CPNE8: variants seen among roughly 807,000 people sequenced by gnomAD.
CPNE8 encodes copine 8, also known as copine-8.
In CPNE8, 45 loss-of-function variants were observed where a neutral mutation model predicts 81.5. The observed-to-expected ratio is 0.55, with a 90% CI of 0.44 to 0.71. The LOEUF is 0.71. CPNE8 is among the 30% of genes least tolerant of loss of function. The pLI is 0.00. For synonymous variants in CPNE8, 252 were observed against 226.3 expected (o/e 1.11, Z -1.02); for missense variants, 594 against 672.1 (o/e 0.88, Z 1.28).
In CPNE8 at chr12:38,876,564, C is replaced by T. The variant is rs1592150589; in HGVS notation, c.99-2053G>A. 2.0e-5 allele frequency among the ~76,000 whole-genome samples: 3 copies of T among 152,194 alleles called. No homozygotes were observed. In the South Asian group the frequency reaches 6.2e-4, roughly 32 times the overall value. On this transcript the variant is annotated intron_variant, in intron 1 of 19. Transcript: ENST00000331366. ...TTACTTGTCACATTGTTTCACTCAGCCATTGTGATCCATAACACATAATGG... is the reference window on the plus strand; with the variant it reads ...TTACTTGTCACATTGTTTCACTCAGTCATTGTGATCCATAACACATAATGG...
intron 19 of CPNE8, among the ~76,000 whole-genome samples, chr12:38,666,370 A>G (rs2136639632): frequency 6.6e-6 from 1 of 152,300 alleles, no homozygotes; most frequent in South Asian, 2.1e-4. Context: ...AAGTTGTTTA[A>G]CTTTTGATCT....
intron 11 of CPNE8, among the ~76,000 whole-genome samples, chr12:38,728,437 A>G (rs1940754655): frequency 6.6e-6 from 1 of 152,216 alleles, no homozygotes; most frequent in Non-Finnish European, 1.5e-5. Context: ...GTAAAGTACA[A>G]CTGAAATGAA....
At chr12:38,898,272 T>C (rs1944414871) in intron 1 of CPNE8, among the ~76,000 whole-genome samples, 1 of 151,964 alleles carries the variant, frequency 6.6e-6, no homozygotes, top group Admixed American at 6.6e-5. Context: ...CAGACCAAAA[T>C]ACTGGTGGAA....
chr12:38,719,822 A>G (rs1401919850), intron 13 of CPNE8, among the ~76,000 whole-genome samples: 1 of 152,194 alleles, frequency 6.6e-6, no homozygotes, highest in Non-Finnish European at 1.5e-5. Flanking sequence ...GACATTACAT[A>G]CATTTATAAT....
At chr12:38,879,570 T>TA (rs760945378) in intron 1 of CPNE8, among the ~76,000 whole-genome samples, 3 of 152,102 alleles carry the variant, frequency 2.0e-5, no homozygotes, top group Non-Finnish European at 2.9e-5. Context: ...GTATTTAAAG[T>TA]AAAAAGTGAC....
intron 10 of CPNE8, among the ~76,000 whole-genome samples, chr12:38,737,222 T>TA (rs372286708): frequency 0.013 from 1,969 of 150,942 alleles, 30 homozygotes; most frequent in South Asian, 0.042. Flanking sequence ...AGACTGAAGT[T>TA]AAAAAAAAAT....
chr12:38,688,949 C>G (rs983049100), intron 15 of CPNE8, among the ~76,000 whole-genome samples: 1 of 152,040 alleles, frequency 6.6e-6, no homozygotes, highest in African/African-American at 2.4e-5. Context: ...TCCCCCAAAA[C>G]TAGTGAAATA....
intron 19 of CPNE8, among the ~76,000 whole-genome samples, chr12:38,661,458 G>T (rs992820134): frequency 9.2e-5 from 14 of 152,036 alleles, no homozygotes; most frequent in Non-Finnish European, 1.6e-4. Context: ...GGGCCTGTTG[G>T]GGGTGGGGGA....
chr12:38,870,572 C>T (rs1030827851), intron 3 of CPNE8, among the ~76,000 whole-genome samples: 1 of 152,204 alleles, frequency 6.6e-6, no homozygotes, highest in African/African-American at 2.4e-5. Context: ...TGGTCTCCCT[C>T]ATAAGTGGGA....
At chr12:38,738,697 T>C (rs2136785913) in intron 10 of CPNE8, among the ~76,000 whole-genome samples, 1 of 152,304 alleles carries the variant, frequency 6.6e-6, no homozygotes, top group East Asian at 1.9e-4. Context: ...CACATTTTAA[T>C]ATTAACTTAA....
intron 8 of CPNE8, among the ~76,000 whole-genome samples, chr12:38,763,347 T>C (rs893551355): frequency 6.6e-6 from 1 of 152,084 alleles, no homozygotes; most frequent in African/African-American, 2.4e-5. Flanking sequence ...TGCATGACAA[T>C]GAGCAAAGAA....
At chr12:38,684,739 AT>A (rs963443164) in intron 16 of CPNE8, among the ~76,000 whole-genome samples, 1 of 152,024 alleles carries the variant, frequency 6.6e-6, no homozygotes, top group East Asian at 1.9e-4. Context: ...AAAATACATA[AT>A]TTTTTTCAAG....
intron 13 of CPNE8, among the ~76,000 whole-genome samples, chr12:38,710,031 A>T (rs1940211322): frequency 6.6e-6 from 1 of 152,022 alleles, no homozygotes; most frequent in African/African-American, 2.4e-5. Flanking sequence ...TTTATTCTTC[A>T]ACCTTACTGA....
chr12:38,768,711 C>A (rs1265606998), intron 7 of CPNE8, among the ~76,000 whole-genome samples: 2 of 150,740 alleles, frequency 1.3e-5, no homozygotes, highest in South Asian at 4.2e-4. Flanking sequence ...TTTTTTTTAG[C>A]AGAGACGGGG....
chr12:38,795,163 A>T (rs1337415936), intron 6 of CPNE8, among the ~76,000 whole-genome samples: 1 of 152,212 alleles, frequency 6.6e-6, no homozygotes, highest in African/African-American at 2.4e-5. Context: ...CTGAGCTGCT[A>T]CTAGCTTCCT....
chr12:38,681,383 CAT>C (rs10597996), intron 16 of CPNE8, among the ~76,000 whole-genome samples: 2,997 of 152,124 alleles, frequency 0.02, 97 homozygotes, highest in African/African-American at 0.067. Context: ...AAGATTTAAA[CAT>C]AGTATTTTAG....
chr12:38,904,461 T>G (rs1035409958), intron 1 of CPNE8, among the ~76,000 whole-genome samples: 3 of 117,918 alleles, frequency 2.5e-5, no homozygotes, highest in African/African-American at 3.3e-5. Context: ...TGAAAGTCAG[T>G]TTTTTTTTGT....
upstream of CPNE8, chr12:38,906,260 G>A (rs1385367186): frequency 5.1e-6 from 5 of 985,362 alleles, no homozygotes; most frequent in Non-Finnish European, 4.8e-6. Context: ...GGGGACGGTG[G>A]GGCATTGTGA....
At chr12:38,851,733 G>A (rs1007652722) in intron 3 of CPNE8, among the ~76,000 whole-genome samples, 1 of 152,122 alleles carries the variant, frequency 6.6e-6, no homozygotes, top group African/African-American at 2.4e-5. Flanking sequence ...ACATGCCCAT[G>A]TCATTCCACC....
Sources: gnomAD v4.1 joint callset for allele counts (sites outside exome capture counted in the v4.1 genomes callset) on GRCh38, gnomAD v4.1.1 for gene constraint, MANE v1.5 for transcripts, NCBI Gene and HGNC (gene_info 2026-07-23, HGNC 2026-07-21) for gene names.